The following PPP3CA variants were observed in gnomAD, a reference collection of about 807,000 sequenced individuals.
PPP3CA encodes the protein CAM-PRP catalytic subunit.
In PPP3CA, 14 loss-of-function variants were observed where a neutral mutation model predicts 66.5. The observed-to-expected ratio is 0.21, with a 90% CI of 0.14 to 0.33. The LOEUF (loss-of-function observed/expected upper bound fraction) is 0.33. Among genes scored for constraint, PPP3CA ranks in the 10% least tolerant of loss-of-function variants. PPP3CA has a pLI of 1.00. For synonymous variants in PPP3CA, 232 were observed against 226.2 expected, an observed-to-expected ratio of 1.03 and a Z score of -0.23; for missense variants, 317 against 639.5, an observed-to-expected ratio of 0.50 and a Z score of 5.44.
intron 1 of PPP3CA, among the ~76,000 whole-genome samples, chr4:101,274,251 C>A (rs1727421593): frequency 6.6e-6 from 1 of 152,152 alleles, no homozygotes; most frequent in Admixed American, 6.6e-5. Flanking sequence ...TTATAGTGAG[C>A]TGAGATTGCA....
intron 2 of PPP3CA, among the ~76,000 whole-genome samples, chr4:101,167,084 A>G (rs1159651624): frequency 6.6e-6 from 1 of 152,196 alleles, no homozygotes; most frequent in Non-Finnish European, 1.5e-5. Flanking sequence ...TCTCTTAACT[A>G]AACATGTTGG....
chr4:101,152,494 A>G (rs929560978), intron 2 of PPP3CA, among the ~76,000 whole-genome samples: 1 of 152,250 alleles, frequency 6.6e-6, no homozygotes, highest in Non-Finnish European at 1.5e-5. Flanking sequence ...GAATAAAGAC[A>G]TTTTACTTTG....
intron 13 of PPP3CA, among the ~76,000 whole-genome samples, chr4:101,028,685 A>G (rs1726780984): frequency 6.6e-6 from 1 of 152,186 alleles, no homozygotes; most frequent in Non-Finnish European, 1.5e-5. Context: ...TATTTTTTAG[A>G]GATACAAATT....
At chr4:101,240,861 G>C (rs1726283875) in intron 1 of PPP3CA, 1 of 151,970 alleles carries the variant, frequency 6.6e-6, no homozygotes, top group African/African-American at 2.4e-5. Context: ...CCACAGGAAT[G>C]TAAGCAAGAT....
At chr4:101,128,685 A>G (rs1436028095) in intron 2 of PPP3CA, among the ~76,000 whole-genome samples, 1 of 151,904 alleles carries the variant, frequency 6.6e-6, no homozygotes, top group Non-Finnish European at 1.5e-5. Context: ...GCCTTGAGGA[A>G]CTGTGCTGTG....
In PPP3CA at chr4:101,029,090, A is replaced by T. The variant is rs1388843914; in HGVS notation, c.1369+76T>A. 3 of 1,410,502 alleles carry T rather than the reference A, an allele frequency of 2.1e-6. No homozygotes were observed. In the East Asian group the frequency reaches 6.9e-5, roughly 32 times the overall value. 87.4% of individuals were successfully genotyped at this position (1,410,502 alleles called of 1,614,324 possible). On this transcript the variant is annotated intron_variant, in intron 13 of 13. Coordinates refer to ENST00000394854, the MANE Select transcript of PPP3CA (RefSeq NM_000944.5). ...AACACCCACACACTCTGTACAAGCT[A>T]CAGCAAAAAAATGAATACACCCAGC...
intron 1 of PPP3CA, among the ~76,000 whole-genome samples, chr4:101,326,183 G>A (rs1729203065): frequency 6.6e-6 from 1 of 152,086 alleles, no homozygotes; most frequent in South Asian, 2.1e-4. Context: ...ATCTCCATAA[G>A]TAATCTATGG....
At chr4:101,103,859 C>T (rs1274914013) in intron 3 of PPP3CA, among the ~76,000 whole-genome samples, 1 of 152,182 alleles carries the variant, frequency 6.6e-6, no homozygotes, top group Non-Finnish European at 1.5e-5. Context: ...TACACATATG[C>T]TTGATCAAAG....
rs1211096775 is a variant in PPP3CA at position 101,197,832 on chromosome 4, T to C, written c.59-1716A>G. Among the ~76,000 whole-genome samples, 3 of 152,158 alleles carry C rather than the reference T, an allele frequency of 2.0e-5. No homozygotes were observed. In the South Asian group the frequency reaches 6.2e-4, roughly 31 times the overall value. ...CTTGCCCAAGATAATTATCTAGTGA[T>C]TTATGTGTATAACTTGGTGAGTTTA... On this transcript the variant is annotated intron_variant, in intron 1 of 13. Coordinates refer to ENST00000394854, the MANE Select transcript of PPP3CA (RefSeq NM_000944.5).
At chr4:101,258,300 G>T (rs914763710) in intron 1 of PPP3CA, among the ~76,000 whole-genome samples, 1 of 152,046 alleles carries the variant, frequency 6.6e-6, no homozygotes, top group Non-Finnish European at 1.5e-5. Context: ...AAGAAACTAT[G>T]GTCTAGATCC....
chr4:101,193,628 G>A (rs947109137), intron 2 of PPP3CA, among the ~76,000 whole-genome samples: 2 of 152,092 alleles, frequency 1.3e-5, no homozygotes, highest in Non-Finnish European at 2.9e-5. Flanking sequence ...CTCTCCAGAC[G>A]GACAGATGCA....
chr4:101,077,684 C>A (rs531167052), intron 8 of PPP3CA, among the ~76,000 whole-genome samples: 9 of 152,012 alleles, frequency 5.9e-5, no homozygotes, highest in Admixed American at 5.9e-4. Context: ...TTTTTCTCTC[C>A]GGAGAATATT....
chr4:101,241,160 C>T (rs768667237), intron 1 of PPP3CA, among the ~76,000 whole-genome samples: 1 of 152,094 alleles, frequency 6.6e-6, no homozygotes, highest in Non-Finnish European at 1.5e-5. Context: ...AGCCAACATG[C>T]CTGGCCAAGA....
chr4:101,047,495 T>TA (rs1180241797), intron 10 of PPP3CA, among the ~76,000 whole-genome samples: 1 of 152,196 alleles, frequency 6.6e-6, no homozygotes, highest in East Asian at 1.9e-4. Context: ...ATCATTCACT[T>TA]AGAGAAAAGT....
chr4:101,347,321 CGCTGCTGCCGCT>C lies in PPP3CA; in HGVS notation c.-537_-526del, dbSNP rs1254695623. Reference sequence around the variant, plus strand: ...TCCCCGGCGGCGGAGAGGCGGCCGCCGCTGCTGCCGCTGCTGCTGCCGCTGCCGCTGTTGCTG... The same window carrying C: ...TCCCCGGCGGCGGAGAGGCGGCCGCCGCTGCTGCCGCTGCCGCTGTTGCTG... On this transcript the variant is annotated 5_prime_UTR_variant, in exon 1 of 14. Transcript: ENST00000394854. The C allele has an allele frequency of 4.8e-4, 97 of 201,856 alleles. No individual in the cohort carries two copies. Among genetic ancestry groups the C allele is most frequent in the African/African-American group, 2.0e-3 (85 of 41,846 alleles). 12.5% of individuals were successfully genotyped at this position (201,856 alleles called of 1,614,324 possible).
intron 7 of PPP3CA, 67 bp from the exon 8 acceptor site, chr4:101,080,693 G>C (rs1729397751): frequency 1.0e-6 from 1 of 981,958 alleles, no homozygotes; most frequent in Non-Finnish European, 1.4e-6. Context: ...ATCATAGATT[G>C]AGAAATAGAA....
chr4:101,069,702 T>A (rs552296853), intron 8 of PPP3CA, among the ~76,000 whole-genome samples: 7 of 152,202 alleles, frequency 4.6e-5, no homozygotes, highest in African/African-American at 1.7e-4. Flanking sequence ...GACCAACCCC[T>A]CTTCCTCTTC....
chr4:101,074,216 T>C (rs1290069751), intron 8 of PPP3CA, among the ~76,000 whole-genome samples: 4 of 152,264 alleles, frequency 2.6e-5, no homozygotes, highest in South Asian at 2.1e-4. Context: ...AGCTCTTTGA[T>C]GTGCTGTGGT....
intron 1 of PPP3CA, among the ~76,000 whole-genome samples, chr4:101,233,716 T>G (rs1437730236): frequency 2.3e-5 from 3 of 130,322 alleles, no homozygotes; most frequent in Non-Finnish European, 4.8e-5. Context: ...TTAGTCCTAA[T>G]CTAGGAATTT....
Sources: allele counts gnomAD v4.1 joint callset (sites outside exome capture counted in the v4.1 genomes callset), GRCh38; gene constraint gnomAD v4.1.1; transcripts MANE v1.5; gene names NCBI Gene and HGNC (gene_info 2026-07-23, HGNC 2026-07-21).